Variants in NAV2 observed in about 807,000 individuals in gnomAD.
NAV2 encodes the protein helicase, APC down-regulated 1.
A neutral mutation model predicts 223.2 loss-of-function variants in NAV2; 54 were observed. The observed-to-expected ratio is 0.24, with a 90% confidence interval of 0.19 to 0.30. The LOEUF is 0.30. Among genes scored for constraint, NAV2 ranks in the 10% least tolerant of loss-of-function variants. The probability of loss-of-function intolerance (pLI) is 1.00; values close to 1 mark genes in which losing one functional copy is unlikely to be tolerated. For missense variants in NAV2, 2,806 were observed against 3,147.5 expected (o/e 0.89, Z 2.60); for synonymous variants, 1,279 against 1,239.3 (o/e 1.03, Z -0.67).
chr11:19,415,718 C>G (rs946216614), intron 1 of NAV2, among the ~76,000 whole-genome samples: 2 of 152,276 alleles, frequency 1.3e-5, no homozygotes, highest in Middle Eastern at 3.4e-3. Context: ...AAATTGAATC[C>G]AGCAGCACAT....
intron 1 of NAV2, among the ~76,000 whole-genome samples, chr11:19,826,383 T>A (rs1325036901): frequency 6.6e-6 from 1 of 152,214 alleles, no homozygotes; most frequent in Non-Finnish European, 1.5e-5. Context: ...AAGCCCTTAC[T>A]CAAAATCTTG....
intron 35 of NAV2, chr11:20,107,462 C>T (rs548933641): frequency 3.4e-6 from 2 of 590,194 alleles, no homozygotes; most frequent in South Asian, 4.7e-5. Flanking sequence ...AGGAGGGAGA[C>T]CCCCAGGTGG....
chr11:19,776,205 A>G lies in NAV2; in HGVS notation c.268-56279A>G, dbSNP rs140797733. ...TTCCGAGGTCTGGGTGGCTAGTGCC[A>G]TCTTTCCTTGGGGAGCTGAAGGATT... On this transcript the variant is annotated intron_variant, in intron 1 of 37. Transcript: ENST00000349880. Among the ~76,000 whole-genome samples the G allele has an allele frequency of 4.7e-3, 717 of 152,304 alleles. 8 individuals carry two copies. Among genetic ancestry groups the G allele is most frequent in the African/African-American group, 0.016 (680 of 41,574 alleles).
At position 19,421,764 on chromosome 11, in the gene NAV2, C is replaced by CTTTTTT. The variant is rs373669949; in HGVS notation, c.75+70755_75+70760dup. 5.4e-4 allele frequency among the ~76,000 whole-genome samples: 46 copies of CTTTTTT among 84,536 alleles called. 1 individual carries two copies. Among genetic ancestry groups the CTTTTTT allele is most frequent in the Non-Finnish European group, 6.1e-4 (30 of 48,912 alleles). 55.5% of individuals were successfully genotyped at this position (84,536 alleles called of 152,430 possible). A position where few individuals can be genotyped will look rare whatever the true frequency, so the allele number is the denominator to read the frequency against. The stretch of plus-strand genomic sequence containing the variant: ...CCCATGAAGTGCCTTAAGAGAGAGG[C>CTTTTTT]TTTTTTTTTTTTTTTTTTTTTTTGC... On this transcript the variant is annotated intron_variant, in intron 1 of 37. Transcript: ENST00000360655.
At chr11:19,843,157 T>G (rs1306891228) in intron 3 of NAV2, among the ~76,000 whole-genome samples, 1 of 152,236 alleles carries the variant, frequency 6.6e-6, no homozygotes, top group South Asian at 2.1e-4. Flanking sequence ...TGAAATATTG[T>G]CCTTGTTCTT....
At chr11:20,109,966 G>A (rs1014413420) in intron 36 of NAV2, among the ~76,000 whole-genome samples, 7 of 152,230 alleles carry the variant, frequency 4.6e-5, no homozygotes, top group African/African-American at 1.7e-4. Flanking sequence ...CTTTGGACCT[G>A]AACCTAAAGG....
At chr11:19,877,470 C>CTTTTTTTTTTTTTTTTTTTTTTTTTTT (rs1289323253) in intron 4 of NAV2, among the ~76,000 whole-genome samples, 1 of 82,622 alleles carries the variant, frequency 1.2e-5, no homozygotes, top group Non-Finnish European at 2.2e-5. Context: ...TATCTTCATT[C>CTTTTTTTTTTTTTTTTTTTTTTTTTTT]TTTTTTTTTT....
chr11:19,693,096 C>T (rs1360765179), intron 1 of NAV2, among the ~76,000 whole-genome samples: 1 of 152,232 alleles, frequency 6.6e-6, no homozygotes, highest in Non-Finnish European at 1.5e-5. Context: ...TGGTGCCCTC[C>T]TGCCCTTGTA....
intron 10 of NAV2, among the ~76,000 whole-genome samples, chr11:19,962,973 A>G (rs1422730056): frequency 1.3e-5 from 2 of 152,216 alleles, no homozygotes; most frequent in African/African-American, 4.8e-5. Flanking sequence ...TAGAAAGCTC[A>G]CATACTTGAG....
chr11:19,974,328 G>T (rs972897430), intron 10 of NAV2, among the ~76,000 whole-genome samples: 1 of 152,196 alleles, frequency 6.6e-6, no homozygotes, highest in African/African-American at 2.4e-5. Context: ...CATTTTTAAG[G>T]TGGTGGAATT....
Position 19,713,535 on chromosome 11 carries a change from G to T in NAV2, c.-161G>T. 7.1e-7 allele frequency: 1 copy of T among 1,400,908 alleles called. No individual in the cohort carries two copies. Among genetic ancestry groups the T allele is most frequent in the Non-Finnish European group, 9.2e-7 (1 of 1,081,248 alleles). 86.8% of individuals were successfully genotyped at this position (1,400,908 alleles called of 1,614,324 possible). ...ACCCCAAAGGCGCGCTCGCCCGATT[G>T]CTTCGAGTTCCCCGACCTGGGGATT... On this transcript the variant is annotated 5_prime_UTR_variant, in exon 1 of 38. Coordinates refer to ENST00000349880, the MANE Select transcript of NAV2 (RefSeq NM_145117.5). This position sits in a 1 kb window ranked among gnomAD's most constrained non-coding sequence, Gnocchi z 7.2.
At chr11:19,502,578 C>G (rs1045692491) in intron 1 of NAV2, 1 of 152,192 alleles carries the variant, frequency 6.6e-6, no homozygotes, top group Non-Finnish European at 1.5e-5. Flanking sequence ...AAGTCATTTA[C>G]CTCGTTATAC....
chr11:19,772,563 T>C (rs1348726546), intron 1 of NAV2, among the ~76,000 whole-genome samples: 1 of 152,228 alleles, frequency 6.6e-6, no homozygotes, highest in Non-Finnish European at 1.5e-5. Context: ...TCTTCTGTGG[T>C]ATTTTTATAT....
At chr11:19,967,099 A>G (rs1202201263) in intron 10 of NAV2, among the ~76,000 whole-genome samples, 1 of 152,172 alleles carries the variant, frequency 6.6e-6, no homozygotes, top group Admixed American at 6.6e-5. Context: ...CCCATCTTAC[A>G]GATGTGGAAA....
At chr11:20,113,856 T>C (rs764610971) in intron 36 of NAV2, among the ~76,000 whole-genome samples, 2 of 151,826 alleles carry the variant, frequency 1.3e-5, no homozygotes, top group Non-Finnish European at 2.9e-5. Context: ...AAAAAAAATG[T>C]TTTAAAAATT....
At chr11:20,009,584 G>A (rs967517677) in intron 11 of NAV2, among the ~76,000 whole-genome samples, 3 of 152,124 alleles carry the variant, frequency 2.0e-5, no homozygotes, top group Non-Finnish European at 2.9e-5. Context: ...TTTTCCTTTG[G>A]TATGTCTGCA....
chr11:19,362,532 G>T (rs1256886035), intron 1 of NAV2, among the ~76,000 whole-genome samples: 2 of 152,148 alleles, frequency 1.3e-5, no homozygotes, highest in Non-Finnish European at 2.9e-5. Context: ...ACCACCAGGA[G>T]TACACAGACC....
At chr11:19,446,926 A>G (rs1195193511) in intron 1 of NAV2, among the ~76,000 whole-genome samples, 2 of 152,142 alleles carry the variant, frequency 1.3e-5, no homozygotes, top group African/African-American at 4.8e-5. Flanking sequence ...AGTGCCATGA[A>G]AGTCCTCCAG....
At chr11:20,077,127 A>G (rs928401762) in intron 22 of NAV2, among the ~76,000 whole-genome samples, 2 of 152,196 alleles carry the variant, frequency 1.3e-5, no homozygotes, top group African/African-American at 4.8e-5. Flanking sequence ...ACAGACATAC[A>G]TTACCAATTA....
Sources: gnomAD v4.1 joint callset for allele counts (sites outside exome capture counted in the v4.1 genomes callset) on GRCh38, gnomAD v4.1.1 for gene constraint, Gnocchi (gnomAD v3.1) non-coding constraint, MANE v1.5 for transcripts, NCBI Gene and HGNC (gene_info 2026-07-23, HGNC 2026-07-21) for gene names.